The following ADAMTS18 variants were observed in gnomAD, a reference collection of about 807,000 sequenced individuals.
ADAMTS18 encodes the protein A disintegrin and metalloproteinase with thrombospondin motifs 18.
A neutral mutation model predicts 165.9 loss-of-function variants in ADAMTS18; 157 were observed. That is an observed-to-expected ratio of 0.95 (90% CI 0.83 to 1.08). The LOEUF is 1.08. Ranked by LOEUF, ADAMTS18 falls within the 50% of genes least tolerant of loss-of-function variation. ADAMTS18 has a pLI of 0.00. For synonymous variants in ADAMTS18, 782 were observed against 578.2 expected, an observed-to-expected ratio of 1.35 and a Z score of -5.06; for missense variants, 2,040 against 1,534.0, an observed-to-expected ratio of 1.33 and a Z score of -5.51.
intron 2 of ADAMTS18, among the ~76,000 whole-genome samples, chr16:77,433,851 G>A (rs544641332): frequency 1.3e-5 from 2 of 152,184 alleles, no homozygotes; most frequent in South Asian, 4.2e-4. Context: ...TTTGTGGCTG[G>A]CGAACGTCAG....
chr16:77,324,308 C>T (rs531004223), intron 13 of ADAMTS18, among the ~76,000 whole-genome samples: 2 of 152,356 alleles, frequency 1.3e-5, no homozygotes, highest in African/African-American at 4.8e-5. Context: ...CCGCTGGGAC[C>T]TGCTGTGCAG....
At chr16:77,385,783 C>A (rs903592389) in intron 3 of ADAMTS18, among the ~76,000 whole-genome samples, 2 of 152,144 alleles carry the variant, frequency 1.3e-5, no homozygotes, top group African/African-American at 4.8e-5. Context: ...CCAGACATGA[C>A]CACCATGTTG....
In ADAMTS18 at chr16:77,341,818, G is replaced by A. The variant is rs768722590; in HGVS notation, c.1615-19C>T. ...AAATATCCTGAAATAAAAAAAAAGG[G>A]GGGTGCTGTTAATGGTGATATACAA... On this transcript the variant is annotated intron_variant, in intron 10 of 22. Coordinates refer to ENST00000282849, the MANE Select transcript of ADAMTS18 (RefSeq NM_199355.4). The A allele has an allele frequency of 6.3e-7, 1 of 1,577,216 alleles. No individual in the cohort carries two copies. Among genetic ancestry groups the A allele is most frequent in the East Asian group, 2.3e-5 (1 of 44,214 alleles).
rs1597117315 is a variant in ADAMTS18, at chr16:77,319,912, G to A, written c.2469C>T (p.Arg823=). The change falls in exon 16 of 23, where the codon CGC becomes CGT. Residue 823 remains arginine (R), a synonymous_variant. Coordinates refer to ENST00000282849, the MANE Select transcript of ADAMTS18 (RefSeq NM_199355.4). ...ACAGACGTTCCGGGCGGTTGAAAGA[G>A]CGCTGGTATTCAAACGTGGTCCCAG... ...PFAGTTFEYQ[R]SFNRPERLYA... 1 of 1,614,060 alleles carries A rather than the reference G, an allele frequency of 6.2e-7. No individual in the cohort carries two copies. Among genetic ancestry groups the A allele is most frequent in the Middle Eastern group, 1.6e-4 (1 of 6,084 alleles).
At chr16:77,401,068 C>T (rs527617947) in intron 3 of ADAMTS18, among the ~76,000 whole-genome samples, 47 of 152,032 alleles carry the variant, frequency 3.1e-4, no homozygotes, top group Admixed American at 4.6e-4. Context: ...CCAGCCTGGC[C>T]AACATGGAGA....
intron 7 of ADAMTS18, among the ~76,000 whole-genome samples, chr16:77,360,117 C>T (rs531674919): frequency 6.6e-5 from 10 of 152,246 alleles, no homozygotes; most frequent in Middle Eastern, 3.4e-3. Flanking sequence ...ATGTACCCAT[C>T]TAATATTAAA....
intron 6 of ADAMTS18, 32 bp downstream of exon 6, chr16:77,363,770 G>C: frequency 6.3e-7 from 1 of 1,589,588 alleles, no homozygotes. Flanking sequence ...ACGGCAGACT[G>C]AATGAAGACA....
rs146829994 is a variant in ADAMTS18, at chr16:77,291,266, C to T, written c.3402G>A (p.Gln1134=). The T allele has an allele frequency of 1.9e-5, 31 of 1,613,864 alleles. No homozygotes were observed. In the African/African-American group the frequency reaches 3.1e-4, roughly 16 times the overall value. Residue 1134 remains glutamine (Q), a splice_region_variant and synonymous_variant, in exon 21 of 23, where the codon CAG becomes CAA. Transcript: ENST00000282849. ...VAGWYSLPWQ[Q]CTVTCGGGVQ... ...ACCTCCTCAATCGGCCTGTACCCAC[C>T]TGCTGCCACGGCAATGAATACCATC...
chr16:77,356,264 T>C (rs2056628916), intron 8 of ADAMTS18, among the ~76,000 whole-genome samples, 187 bp from the exon 9 acceptor site: 1 of 152,208 alleles, frequency 6.6e-6, no homozygotes, highest in Non-Finnish European at 1.5e-5. Context: ...ACTTTAAAAA[T>C]GCTGAGGGCT....
intron 16 of ADAMTS18, among the ~76,000 whole-genome samples, chr16:77,305,922 A>T (rs113923297): frequency 2.0e-3 from 304 of 152,292 alleles, no homozygotes; most frequent in African/African-American, 7.0e-3. Flanking sequence ...ATTTTAGAAC[A>T]TTTTCGGTGA....
At chr16:77,370,028 C>T (rs932831434) in intron 3 of ADAMTS18, among the ~76,000 whole-genome samples, 1 of 152,128 alleles carries the variant, frequency 6.6e-6, no homozygotes, top group Non-Finnish European at 1.5e-5. Context: ...TAAAATTTAA[C>T]ATCTCTTCAT....
chr16:77,414,774 G>C (rs2057508470), intron 3 of ADAMTS18, among the ~76,000 whole-genome samples: 1 of 152,120 alleles, frequency 6.6e-6, no homozygotes, highest in South Asian at 2.1e-4. Flanking sequence ...GCATATGAAG[G>C]TTGAGCAATG....
rs760767554 is a variant in ADAMTS18, at chr16:77,356,089, T to C, written c.1323-12A>G. 17 of 1,613,964 alleles carry C rather than the reference T, an allele frequency of 1.1e-5. No individual in the cohort carries two copies. Among genetic ancestry groups the C allele is most frequent in the Admixed American group, 1.0e-4 (6 of 60,022 alleles). On this transcript the variant is annotated splice_polypyrimidine_tract_variant and intron_variant, in intron 8 of 22. Transcript: ENST00000282849. ...GAATCATACCAAAGCTGAAACAGAA[T>C]GAAGAAAACAAAATCCTGCTTTGTG... is the stretch of plus-strand genomic sequence containing the variant.
intron 3 of ADAMTS18, among the ~76,000 whole-genome samples, chr16:77,370,209 T>C (rs780675672): frequency 4.6e-5 from 7 of 152,166 alleles, no homozygotes; most frequent in African/African-American, 7.2e-5. Flanking sequence ...ACTTCTATTC[T>C]ACATAGTACT....
rs775375608 is a variant in ADAMTS18, at chr16:77,335,862, G to T, written c.1753C>A (p.Pro585Thr). 3 of 1,614,062 alleles carry T rather than the reference G, an allele frequency of 1.9e-6. No homozygotes were observed. The highest frequency in any genetic ancestry group is 1.7e-5 in the Admixed American group (1 of 60,000). Residue 585 changes from proline (P) to threonine (T), a missense_variant, in exon 12 of 23, where the codon CCC (proline) becomes ACC (threonine). By Grantham distance (38) the Pro-to-Thr change is conservative. Coordinates refer to ENST00000282849, the MANE Select transcript of ADAMTS18 (RefSeq NM_199355.4). ...GQCVKFGELGPRPIHGQWSAW... is the reference protein window; with the variant it reads ...GQCVKFGELGTRPIHGQWSAW... Reference sequence around the variant, plus strand: ...GACCACTGGCCGTGGATGGGCCGGGGCCCGAGCTCCCCAAACTTTACGCAC... The same window carrying T: ...GACCACTGGCCGTGGATGGGCCGGGTCCCGAGCTCCCCAAACTTTACGCAC...
chr16:77,329,381 G>A (rs2056150031), intron 12 of ADAMTS18, among the ~76,000 whole-genome samples: 1 of 152,140 alleles, frequency 6.6e-6, no homozygotes, highest in Admixed American at 6.5e-5. Flanking sequence ...GGAATTACAA[G>A]CATGATCCAT....
intron 16 of ADAMTS18, among the ~76,000 whole-genome samples, chr16:77,309,630 T>G (rs2055744184): frequency 6.6e-6 from 1 of 152,222 alleles, no homozygotes; most frequent in Non-Finnish European, 1.5e-5. Context: ...TATAAAGTTT[T>G]GACATATAAA....
chr16:77,308,576 A>G (rs1438629927), intron 16 of ADAMTS18, among the ~76,000 whole-genome samples: 1 of 30,330 alleles, frequency 3.3e-5, no homozygotes, highest in Non-Finnish European at 6.5e-5. Flanking sequence ...TTAGCTAATC[A>G]TGAAAAAAAA....
intron 10 of ADAMTS18, among the ~76,000 whole-genome samples, chr16:77,348,491 C>T (rs990449501): frequency 6.6e-6 from 1 of 152,160 alleles, no homozygotes; most frequent in African/African-American, 2.4e-5. Flanking sequence ...AGAGAAGATG[C>T]TGAGACAGTA....
Sources: allele counts gnomAD v4.1 joint callset (sites outside exome capture counted in the v4.1 genomes callset), GRCh38; gene constraint gnomAD v4.1.1; transcripts MANE v1.5; gene names NCBI Gene and HGNC (gene_info 2026-07-23, HGNC 2026-07-21).